Variants in APC2 observed in about 807,000 individuals in gnomAD.
APC2 encodes APC regulator of Wnt signaling pathway 2.
In APC2, 41 loss-of-function variants were observed where a neutral mutation model predicts 72.5. The ratio of observed to expected loss-of-function variants is 0.57; its 90% CI spans 0.44 to 0.73. The LOEUF is 0.73. Among genes scored for constraint, APC2 ranks in the 30% least tolerant of loss-of-function variants. The pLI is 0.00. For missense variants in APC2, 3,729 were observed against 3,403.4 expected, an observed-to-expected ratio of 1.10 and a Z score of -2.38; for synonymous variants, 1,898 against 1,612.0, an observed-to-expected ratio of 1.18 and a Z score of -4.25.
Position 1,466,544 on chromosome 19 carries a change from C to T in APC2, c.3243C>T (p.Arg1081=), listed in dbSNP as rs778935897. Reference sequence around the variant, plus strand: ...TTTCCTCGCTGTCCTCGGCCGGCCGCCCAGGCCCCAGCGAGGGTGGTGACC... The same window carrying T: ...TTTCCTCGCTGTCCTCGGCCGGCCGTCCAGGCCCCAGCGAGGGTGGTGACC... ...SSLSSLSSAG[R]PGPSEGGDLD... is the part of the protein sequence containing the mutation. Residue 1081 remains arginine, a synonymous_variant, in exon 15 of 15, where the codon CGC becomes CGT. Coordinates refer to ENST00000590469, the MANE Select transcript of APC2 (RefSeq NM_005883.3). The T allele has an allele frequency of 1.1e-5, 18 of 1,584,234 alleles. No individual in the cohort carries two copies. The African/African-American group carries it at 2.4e-4, about 21-fold the overall frequency.
rs1350712695 is a variant in APC2, at chr19:1,472,858, G to A, written c.*2645G>A. 1 of 152,344 alleles carries A rather than the reference G, an allele frequency of 6.6e-6. No homozygotes were observed. Among genetic ancestry groups the A allele is most frequent in the African/African-American group, 2.4e-5 (1 of 41,450 alleles). The allele number at this position is 152,344 out of a possible 1,614,324, so 9.4% of individuals were successfully genotyped here. ...TCCAGGGCCAGTCCTAAGGAGCTGAGGGTCTGAGGACGCAGGGAGGGTGGA... is the reference window on the plus strand; with the variant it reads ...TCCAGGGCCAGTCCTAAGGAGCTGAAGGTCTGAGGACGCAGGGAGGGTGGA... On this transcript the variant is annotated 3_prime_UTR_variant, in exon 15 of 15. Transcript: ENST00000590469.
chr19:1,469,559 G>A lies in APC2; in HGVS notation c.6258G>A (p.Val2086=). The A allele has an allele frequency of 8.1e-7, 1 of 1,233,172 alleles. No homozygotes were observed. Among genetic ancestry groups the A allele is most frequent in the South Asian group, 1.8e-5 (1 of 55,402 alleles). The allele number at this position is 1,233,172 out of a possible 1,614,324, so 76.4% of individuals were successfully genotyped here. The part of the protein sequence containing the change: ...TTSESPSRLP[V]RAPAARPETV... ...CCGAGAGCCCGTCCCGCCTGCCTGT[G>A]CGCGCGCCCGCCGCCCGGCCGGAGA... The change falls in exon 15 of 15, where the codon GTG becomes GTA. Residue 2086 remains valine, a synonymous_variant. Transcript: ENST00000590469.
At chr19:1,447,064 G>A (rs904966289), upstream of APC2, among the ~76,000 whole-genome samples, 2 of 152,194 alleles carry the variant, frequency 1.3e-5, no homozygotes, top group East Asian at 1.9e-4. Flanking sequence ...CCGACTCGCC[G>A]CCGGGGAAAC....
upstream of APC2, chr19:1,446,265 G>C (rs2083686786): frequency 2.0e-6 from 2 of 984,596 alleles, no homozygotes; most frequent in Middle Eastern, 5.2e-4. The surrounding 1 kb of genome is among the most constrained non-coding windows in gnomAD (Gnocchi z 6.1). Context: ...GGGGCGCGGC[G>C]GGTCCGGGGC....
upstream of APC2, among the ~76,000 whole-genome samples, chr19:1,448,838 C>A (rs1213166020): frequency 1.5e-5 from 2 of 137,842 alleles, no homozygotes; most frequent in African/African-American, 2.8e-5. Flanking sequence ...AGCAAGACTC[C>A]GTCTCAAAAA....
chr19:1,453,286 G>T lies in APC2; in HGVS notation c.181G>T (p.Ala61Ser). The change falls in exon 3 of 15, where the codon GCC becomes TCC. Residue 61 changes from alanine (A) to serine (S), a missense_variant. Coordinates refer to ENST00000590469, the MANE Select transcript of APC2 (RefSeq NM_005883.3). ...CCTACAGGGAAAACTGGAGCAGGAG[G>T]CCCGAGTGCTGGTGTCCTCGGGGCA... Reference protein sequence around the residue: ...KHLQGKLEQEARVLVSSGQTE... With the variant: ...KHLQGKLEQESRVLVSSGQTE... 6.3e-7 allele frequency: 1 copy of T among 1,579,204 alleles called. No homozygotes were observed. Among genetic ancestry groups the T allele is most frequent in the Non-Finnish European group, 8.6e-7 (1 of 1,162,342 alleles).
At position 1,469,880 on chromosome 19, in the gene APC2, C is replaced by T. The variant is rs1053045057; in HGVS notation, c.6579C>T (p.Thr2193=). Residue 2193 remains threonine, a synonymous_variant, in exon 15 of 15, where the codon ACC becomes ACT. Coordinates refer to ENST00000590469, the MANE Select transcript of APC2 (RefSeq NM_005883.3). ...AGACCAGCGACGCCGTGGTCCAGAC[C>T]GAGGAGGTCGCCGCCCCCAAGACCA... ...PRKTSDAVVQ[T]EEVAAPKTNS... 1.3e-6 allele frequency: 2 copies of T among 1,524,134 alleles called. No homozygotes were observed. Among genetic ancestry groups the T allele is most frequent in the South Asian group, 1.2e-5 (1 of 83,366 alleles). 94.4% of individuals were successfully genotyped at this position (1,524,134 alleles called of 1,614,324 possible).
At chr19:1,460,397 C>T in intron 11 of APC2, 77 bp downstream of exon 11, 2 of 1,592,978 alleles carry the variant, frequency 1.3e-6, no homozygotes, top group Non-Finnish European at 1.7e-6. Flanking sequence ...CAACTCATCC[C>T]AGCCTCGAAA....
chr19:1,461,657 C>G (rs1269257709), intron 13 of APC2: 2 of 384,138 alleles, frequency 5.2e-6, no homozygotes, highest in Admixed American at 8.8e-5. Flanking sequence ...TCGAGACCAT[C>G]CTGGCTAACA....
At chr19:1,446,659 GGAGGCTGC>G (rs2083690472), upstream of APC2, among the ~76,000 whole-genome samples, 1 of 152,154 alleles carries the variant, frequency 6.6e-6, no homozygotes, top group East Asian at 1.9e-4. The surrounding 1 kb of genome is among the most constrained non-coding windows in gnomAD (Gnocchi z 6.1). Flanking sequence ...GCGCCGACGC[GGAGGCTGC>G]GCCAGCTGGG....
In APC2 at chr19:1,460,471, T is replaced by C. The variant is rs76150338; in HGVS notation, c.1443+151T>C. On this transcript the variant is annotated intron_variant, in intron 11 of 14. Coordinates refer to ENST00000590469, the MANE Select transcript of APC2 (RefSeq NM_005883.3). ...GACGGGTAGACTGAGGCCCAGAGAG[T>C]GCGGTGTGGGGGGACGGGAGCGCGT... The C allele has an allele frequency of 4.8e-3, 6,218 of 1,295,234 alleles. 112 individuals carry two copies. The highest frequency in any genetic ancestry group is 0.034 in the South Asian group (2,370 of 69,962). 80.2% of individuals were successfully genotyped at this position (1,295,234 alleles called of 1,614,324 possible).
chr19:1,467,378 C>A lies in APC2; in HGVS notation c.4077C>A (p.Ala1359=). ...TGCCTGCCCGGCTGCGCAAGGTGGC[C>A]TCCGCGCTGGTGCCAGGTCGCCGCG... ...AAVPARLRKV[A]SALVPGRRAL... The change falls in exon 15 of 15, where the codon GCC becomes GCA. Residue 1359 remains alanine, a synonymous_variant. Transcript: ENST00000590469. 6.7e-7 allele frequency: 1 copy of A among 1,485,820 alleles called. No individual in the cohort carries two copies. The allele number at this position is 1,485,820 out of a possible 1,614,324, so 92.0% of individuals were successfully genotyped here.
At chr19:1,457,460 T>C (rs918522090) in intron 9 of APC2, 1 of 645,762 alleles carries the variant, frequency 1.5e-6, no homozygotes, top group Non-Finnish European at 2.5e-6. Context: ...GGGAAGTCGC[T>C]GAATGCATGG....
In APC2 at chr19:1,467,907, G is replaced by C. The variant is rs1229627927; in HGVS notation, c.4606G>C (p.Ala1536Pro). Residue 1536 changes from alanine (A) to proline (P), a missense_variant, in exon 15 of 15, where the codon GCT becomes CCT. Transcript: ENST00000590469. ...THRRTSAIPR[A>P]FTRERPQGRK... Reference sequence around the variant, plus strand: ...CCGGCGCACATCGGCCATCCCTCGCGCTTTTACGCGGGAGCGTCCGCAGGG... The same window carrying C: ...CCGGCGCACATCGGCCATCCCTCGCCCTTTTACGCGGGAGCGTCCGCAGGG... 1 of 1,583,532 alleles carries C rather than the reference G, an allele frequency of 6.3e-7. No individual in the cohort carries two copies. Among genetic ancestry groups the C allele is most frequent in the Non-Finnish European group, 8.5e-7 (1 of 1,173,340 alleles).
chr19:1,456,228 GC>G, intron 7 of APC2, 75 bp downstream of exon 7: 2 of 1,549,980 alleles, frequency 1.3e-6, no homozygotes, highest in Non-Finnish European at 8.7e-7. Context: ...AGTTCTGCCC[GC>G]CCCCGCCCAC....
In APC2 at chr19:1,453,756, A is replaced by C. The variant is rs1449706735; in HGVS notation, c.413+145A>C. 7.8e-6 allele frequency: 9 copies of C among 1,153,900 alleles called. No homozygotes were observed. In the African/African-American group the frequency reaches 1.4e-4, roughly 18 times the overall value. 71.5% of individuals were successfully genotyped at this position (1,153,900 alleles called of 1,614,324 possible). The stretch of plus-strand genomic sequence containing the variant: ...ACTTGCATATGGCACTGCCCACCGA[A>C]CAACCCCGCCCACCTCGGAGCTTCG... On this transcript the variant is annotated intron_variant, in intron 4 of 14. Coordinates refer to ENST00000590469, the MANE Select transcript of APC2 (RefSeq NM_005883.3).
chr19:1,453,449 C>T lies in APC2; in HGVS notation c.251C>T (p.Thr84Ile). 5.0e-6 allele frequency: 8 copies of T among 1,602,236 alleles called. No homozygotes were observed. Among genetic ancestry groups the T allele is most frequent in the Non-Finnish European group, 6.0e-6 (7 of 1,172,526 alleles). Residue 84 changes from threonine to isoleucine, a missense_variant, in exon 4 of 15, where the codon ACC becomes ATC. Transcript: ENST00000590469. ...CATCCAGCCCTACAGATGGACATCA[C>T]CAGCCTGTACAACCTCAAGTTCCAG... ...EQLKALQMDI[T>I]SLYNLKFQPP... is the part of the protein sequence containing the mutation.
intron 14 of APC2, among the ~76,000 whole-genome samples, chr19:1,463,469 G>C (rs563505187): frequency 6.7e-6 from 1 of 150,178 alleles, no homozygotes; most frequent in South Asian, 2.1e-4. Flanking sequence ...TGTAATTCCA[G>C]CTACTCGGGA....
At position 1,462,063 on chromosome 19, in the gene APC2, T is replaced by C. The variant is rs2083934687; in HGVS notation, c.1739T>C (p.Phe580Ser). Residue 580 changes from phenylalanine to serine, a missense_variant, in exon 14 of 15, where the codon TTC (phenylalanine) becomes TCC (serine). Transcript: ENST00000590469. ...TGCCAGGTGGATGGCGCCCTGGGCT[T>C]CCTGGTGAGCACCCTGACCTACAAG... ...AICQVDGALG[F>S]LVSTLTYKCQ... 3 of 1,613,124 alleles carry C rather than the reference T, an allele frequency of 1.9e-6. No homozygotes were observed. The highest frequency in any genetic ancestry group is 1.7e-5 in the Admixed American group (1 of 60,024).
Sources: allele counts gnomAD v4.1 joint callset (sites outside exome capture counted in the v4.1 genomes callset), GRCh38; gene constraint gnomAD v4.1.1; non-coding constraint Gnocchi (gnomAD v3.1); transcripts MANE v1.5; gene names NCBI Gene and HGNC (gene_info 2026-07-23, HGNC 2026-07-21).